CAMTA1: variants seen among roughly 807,000 people sequenced by gnomAD.
CAMTA1 encodes calmodulin binding transcription activator 1.
A neutral mutation model predicts 170.9 loss-of-function variants in CAMTA1; 27 were observed. That is an observed-to-expected ratio of 0.16 (90% CI 0.12 to 0.22). The LOEUF (loss-of-function observed/expected upper bound fraction) is 0.22, where lower values mean the gene tolerates loss of function less well. Ranked by LOEUF, CAMTA1 falls within the 10% of genes least tolerant of loss-of-function variation. The pLI is 1.00. For synonymous variants in CAMTA1, 833 were observed against 891.5 expected (o/e 0.93, Z 1.17); for missense variants, 1,619 against 2,217.2 (o/e 0.73, Z 5.42).
chr1:7,490,948 T>C (rs1192883204), intron 6 of CAMTA1, among the ~76,000 whole-genome samples: 1 of 152,212 alleles, frequency 6.6e-6, no homozygotes, highest in East Asian at 1.9e-4. Context: ...GATATTTCCT[T>C]CTGTGCTTGT....
intron 3 of CAMTA1, among the ~76,000 whole-genome samples, chr1:7,031,001 ATTTTTT>A (rs58953861): frequency 2.0e-5 from 2 of 100,058 alleles, no homozygotes; most frequent in Non-Finnish European, 1.9e-5. Context: ...TGCCCAGCTA[ATTTTTT>A]TTTTTTTTTT....
intron 5 of CAMTA1, among the ~76,000 whole-genome samples, chr1:7,447,690 G>A (rs1245739939): frequency 6.6e-6 from 1 of 152,080 alleles, no homozygotes; most frequent in Admixed American, 6.5e-5. Flanking sequence ...CCCTGTGTGG[G>A]GGTTCTCTCG....
At chr1:7,629,908 G>A (rs959584281) in intron 6 of CAMTA1, among the ~76,000 whole-genome samples, 7 of 151,526 alleles carry the variant, frequency 4.6e-5, no homozygotes, top group Non-Finnish European at 1.0e-4. Flanking sequence ...GCCAGCCTCC[G>A]TTGCCAATTT....
chr1:6,978,569 G>A (rs1392454636), intron 3 of CAMTA1, among the ~76,000 whole-genome samples: 1 of 152,064 alleles, frequency 6.6e-6, no homozygotes, highest in African/African-American at 2.4e-5. Context: ...AGGAGTCGGA[G>A]GTTGCAGTGA....
At chr1:7,023,260 C>T (rs1036082176) in intron 3 of CAMTA1, among the ~76,000 whole-genome samples, 1 of 152,102 alleles carries the variant, frequency 6.6e-6, no homozygotes, top group Non-Finnish European at 1.5e-5. Context: ...AAATTTGGTC[C>T]CGAATTAGTG....
rs1211357828 is a variant in CAMTA1 at position 7,463,373 on chromosome 1, A to G, written c.439-4457A>G. Among the ~76,000 whole-genome samples the G allele has an allele frequency of 6.6e-6, 1 of 152,082 alleles. No homozygotes were observed. The highest frequency in any genetic ancestry group is 1.5e-5 in the Non-Finnish European group (1 of 68,032). On this transcript the variant is annotated intron_variant, in intron 5 of 22. Coordinates refer to ENST00000303635, the MANE Select transcript of CAMTA1 (RefSeq NM_015215.4). The surrounding 1 kb of genome is among the most constrained non-coding windows in gnomAD (Gnocchi z 4.7). Reference sequence around the variant, plus strand: ...GAGAGACAGAGAAAGATGGAGAGAGATAGCAGGAGAGACAGAGACAGATAC... The same window carrying G: ...GAGAGACAGAGAAAGATGGAGAGAGGTAGCAGGAGAGACAGAGACAGATAC...
intron 6 of CAMTA1, among the ~76,000 whole-genome samples, chr1:7,572,528 G>A (rs552393841): frequency 1.1e-4 from 16 of 152,250 alleles, no homozygotes; most frequent in Admixed American, 7.8e-4. Context: ...ATGATATAAG[G>A]AAGGAGTCCA....
chr1:7,678,688 G>T (rs2096150687), intron 11 of CAMTA1, among the ~76,000 whole-genome samples: 1 of 152,190 alleles, frequency 6.6e-6, no homozygotes, highest in Admixed American at 6.5e-5. Flanking sequence ...AGTATCAGGT[G>T]AGCCCACAGA....
rs1392141671 is a variant in CAMTA1, at chr1:7,293,803, A to G, written c.438+44177A>G. Among the ~76,000 whole-genome samples, 1 of 152,176 alleles carries G rather than the reference A, an allele frequency of 6.6e-6. No homozygotes were observed. The highest frequency in any genetic ancestry group is 6.5e-5 in the Admixed American group (1 of 15,288). ...CTCCCGATGGCTGCCCAGGGTTTCC[A>G]GCTCTCCCGTGCCCCTCGCTTTTCT... On this transcript the variant is annotated intron_variant, in intron 5 of 22. Transcript: ENST00000303635. The surrounding 1 kb of genome is among the most constrained non-coding windows in gnomAD (Gnocchi z 4.1).
At chr1:7,033,298 C>A (rs926444819) in intron 3 of CAMTA1, among the ~76,000 whole-genome samples, 8 of 152,104 alleles carry the variant, frequency 5.3e-5, no homozygotes, top group African/African-American at 1.7e-4. Flanking sequence ...GTTAATTACA[C>A]CCAGTGTGTT....
intron 3 of CAMTA1, among the ~76,000 whole-genome samples, chr1:7,046,413 C>T (rs961083212): frequency 3.9e-5 from 6 of 152,172 alleles, no homozygotes; most frequent in Admixed American, 1.3e-4. Flanking sequence ...CCGGAGGCTT[C>T]CAGAGGGAGG....
intron 5 of CAMTA1, among the ~76,000 whole-genome samples, chr1:7,402,991 G>A (rs1010288561): frequency 6.6e-6 from 1 of 152,160 alleles, no homozygotes. Flanking sequence ...TTGAATAAAT[G>A]AACAAATGAT....
rs1246061360 is a variant in CAMTA1, at chr1:7,251,968, T to C, written c.438+2342T>C. ...GGTCTGAGCTGTGTCTATGTTGATA[T>C]TGAGGTCTCTTCATCCCTTTTCACA... On this transcript the variant is annotated intron_variant, in intron 5 of 22. Coordinates refer to ENST00000303635, the MANE Select transcript of CAMTA1 (RefSeq NM_015215.4). The surrounding 1 kb of genome is among the most constrained non-coding windows in gnomAD (Gnocchi z 5.1). Among the ~76,000 whole-genome samples the C allele has an allele frequency of 1.3e-5, 2 of 152,216 alleles. No homozygotes were observed. Among genetic ancestry groups the C allele is most frequent in the South Asian group, 4.1e-4 (2 of 4,826 alleles).
At chr1:7,553,219 GTGAATGAATGAGGGAA>G (rs70987356) in intron 6 of CAMTA1, among the ~76,000 whole-genome samples, 60,415 of 105,090 alleles carry the variant, frequency 0.57, 14,143 homozygotes, top group African/African-American at 0.72. Flanking sequence ...GAATAAGTGA[GTGAATGAATGAGGGAA>G]TGAATGAATG....
chr1:7,754,728 TG>T (rs1318792886), intron 21 of CAMTA1, among the ~76,000 whole-genome samples: 1 of 152,228 alleles, frequency 6.6e-6, no homozygotes, highest in Admixed American at 6.5e-5. Flanking sequence ...GTGCATTAAT[TG>T]GAATGAAATA....
chr1:7,742,542 C>T (rs1342850535), intron 16 of CAMTA1, among the ~76,000 whole-genome samples: 1 of 152,098 alleles, frequency 6.6e-6, no homozygotes, highest in East Asian at 1.9e-4. Flanking sequence ...CAAAGCTACC[C>T]ATTTAAAGGC....
chr1:7,566,898 ACAGTCTTCATGGGC>A (rs897207275), intron 6 of CAMTA1, among the ~76,000 whole-genome samples: 1 of 152,206 alleles, frequency 6.6e-6, no homozygotes, highest in African/African-American at 2.4e-5. Context: ...CCACACGGAC[ACAGTCTTCATGGGC>A]CAGTCTTCAT....
intron 4 of CAMTA1, among the ~76,000 whole-genome samples, chr1:7,197,628 CCACACACACACA>C (rs3222484): frequency 0.024 from 2,643 of 109,836 alleles, 31 homozygotes; most frequent in Non-Finnish European, 0.031. Context: ...TTGTCCCCCA[CCACACACACACA>C]CACACACACA....
intron 11 of CAMTA1, among the ~76,000 whole-genome samples, chr1:7,731,676 C>G (rs968630890): frequency 2.0e-5 from 3 of 151,970 alleles, no homozygotes; most frequent in Non-Finnish European, 4.4e-5. Context: ...TGAGACCAAC[C>G]TGGGCAACAT....
Sources: allele counts gnomAD v4.1 joint callset (sites outside exome capture counted in the v4.1 genomes callset), GRCh38; gene constraint gnomAD v4.1.1; non-coding constraint Gnocchi (gnomAD v3.1); transcripts MANE v1.5; gene names NCBI Gene and HGNC (gene_info 2026-07-23, HGNC 2026-07-21).